Variants in MGAT4C observed in about 807,000 individuals in gnomAD.
The protein encoded by MGAT4C is alpha-1,3-mannosyl-glycoprotein 4-beta-N-acetylglucosaminyltransferase C.
A neutral mutation model predicts 40.1 loss-of-function variants in MGAT4C; 19 were observed. The ratio of observed to expected loss-of-function variants is 0.47; its 90% CI spans 0.33 to 0.70. MGAT4C has a LOEUF of 0.70. Ranked by LOEUF, MGAT4C falls within the 30% of genes least tolerant of loss-of-function variation. The pLI is 0.02. For synonymous variants in MGAT4C, 181 were observed against 187.1 expected, an observed-to-expected ratio of 0.97 and a Z score of 0.27; for missense variants, 491 against 563.2, an observed-to-expected ratio of 0.87 and a Z score of 1.30.
intron 3 of MGAT4C, among the ~76,000 whole-genome samples, chr12:86,345,588 C>T (rs561463163): frequency 6.6e-6 from 1 of 152,218 alleles, no homozygotes; most frequent in South Asian, 2.1e-4. Flanking sequence ...ATCCATGTCC[C>T]TACAAAGGAC....
intron 2 of MGAT4C, among the ~76,000 whole-genome samples, chr12:86,714,486 G>T (rs1950611051): frequency 6.6e-6 from 1 of 152,054 alleles, no homozygotes; most frequent in Non-Finnish European, 1.5e-5. Context: ...AATCATGAGG[G>T]TGGTTTCCTC....
chr12:86,225,753 A>C (rs1951050317), intron 1 of MGAT4C, among the ~76,000 whole-genome samples: 1 of 152,086 alleles, frequency 6.6e-6, no homozygotes, highest in South Asian at 2.1e-4. Flanking sequence ...TCTTTTTATG[A>C]TAAAACTCCT....
chr12:86,486,371 A>G (rs1295754363), intron 2 of MGAT4C, among the ~76,000 whole-genome samples: 1 of 123,318 alleles, frequency 8.1e-6, no homozygotes, highest in Non-Finnish European at 1.7e-5. Context: ...AGAAAGATCT[A>G]TCATGCACAC....
At chr12:86,629,431 C>G (rs1348537085) in intron 2 of MGAT4C, among the ~76,000 whole-genome samples, 3 of 152,116 alleles carry the variant, frequency 2.0e-5, no homozygotes, top group Non-Finnish European at 4.4e-5. Context: ...ACTGTCCACC[C>G]CAAATCAAGA....
At chr12:86,148,944 C>A (rs991222711) in intron 1 of MGAT4C, among the ~76,000 whole-genome samples, 2 of 152,100 alleles carry the variant, frequency 1.3e-5, no homozygotes, top group Non-Finnish European at 2.9e-5. Flanking sequence ...CTGTGCCCCC[C>A]TATTCATTTT....
intron 3 of MGAT4C, among the ~76,000 whole-genome samples, chr12:86,379,186 A>G (rs2136218340): frequency 6.6e-6 from 1 of 152,252 alleles, no homozygotes; most frequent in Middle Eastern, 3.4e-3. Context: ...AAGTTACATG[A>G]ATAAATACAT....
intron 4 of MGAT4C, among the ~76,000 whole-genome samples, chr12:86,275,732 A>G (rs1260041213): frequency 6.6e-6 from 1 of 152,114 alleles, no homozygotes; most frequent in Non-Finnish European, 1.5e-5. Context: ...GAGAAAGACA[A>G]GCATTCTCCC....
chr12:86,518,781 A>G (rs1263959037), intron 2 of MGAT4C, among the ~76,000 whole-genome samples: 11 of 152,210 alleles, frequency 7.2e-5, no homozygotes, highest in Non-Finnish European at 1.5e-4. Flanking sequence ...GGAAGCAAAC[A>G]TCTGTCAAAC....
At chr12:86,176,513 T>A (rs924277088) in intron 1 of MGAT4C, among the ~76,000 whole-genome samples, 1 of 152,114 alleles carries the variant, frequency 6.6e-6, no homozygotes, top group African/African-American at 2.4e-5. Context: ...TCATCTTATA[T>A]ATCCCTATAT....
chr12:86,580,502 A>G (rs1960738950), intron 2 of MGAT4C, among the ~76,000 whole-genome samples: 1 of 151,490 alleles, frequency 6.6e-6, no homozygotes, highest in South Asian at 2.1e-4. Context: ...CCTGAAATCC[A>G]TAATAAATTT....
chr12:86,685,966 C>T (rs1276123076), intron 2 of MGAT4C, among the ~76,000 whole-genome samples: 1 of 151,632 alleles, frequency 6.6e-6, no homozygotes. Context: ...AGGTTCACGC[C>T]ATTCTCCTGC....
At chr12:86,493,646 G>T (rs1431748761) in intron 2 of MGAT4C, among the ~76,000 whole-genome samples, 1 of 150,774 alleles carries the variant, frequency 6.6e-6, no homozygotes, top group Non-Finnish European at 1.5e-5. Context: ...GGGGACTGTC[G>T]TGGGGTGGGG....
intron 1 of MGAT4C, among the ~76,000 whole-genome samples, chr12:86,741,058 G>A (rs1951060803): frequency 6.6e-6 from 1 of 150,872 alleles, no homozygotes; most frequent in Non-Finnish European, 1.5e-5. Flanking sequence ...ATGTTCATGT[G>A]TACTCAATGT....
At chr12:86,247,510 A>G (rs2452815) in intron 1 of MGAT4C, among the ~76,000 whole-genome samples, 103,986 of 152,058 alleles carry the variant, frequency 0.68, 36,272 homozygotes, top group East Asian at 0.95. Context: ...AAGAAAGCCT[A>G]CAATGGAAAC....
chr12:86,579,425 ACTAATAAAAACTCTACAC>A (rs1480149433), intron 2 of MGAT4C, among the ~76,000 whole-genome samples: 1 of 151,618 alleles, frequency 6.6e-6, no homozygotes, highest in African/African-American at 2.4e-5. Context: ...CAAAAACAAA[ACTAATAAAAACTCTACAC>A]CTAAATTTTA....
At chr12:86,326,530 T>C (rs969468941) in intron 4 of MGAT4C, among the ~76,000 whole-genome samples, 3 of 152,142 alleles carry the variant, frequency 2.0e-5, no homozygotes, top group African/African-American at 4.8e-5. Context: ...TTAAATCTAC[T>C]AGGCTTTTTA....
chr12:86,168,864 T>A lies in MGAT4C; in HGVS notation c.-57+87375A>T, dbSNP rs369030755. On this transcript the variant is annotated intron_variant, in intron 1 of 4. Transcript: ENST00000611864. Reference sequence around the variant, plus strand: ...AAAAGAGTCTTTTCTTTTGCTGTAGTCCAGGTCCCGTACCATTACAGCTTC... The same window carrying A: ...AAAAGAGTCTTTTCTTTTGCTGTAGACCAGGTCCCGTACCATTACAGCTTC... Among the ~76,000 whole-genome samples the A allele has an allele frequency of 1.9e-4, 29 of 152,246 alleles. 1 individual carries two copies. The highest frequency in any genetic ancestry group is 7.0e-4 in the African/African-American group (29 of 41,558).
intron 2 of MGAT4C, among the ~76,000 whole-genome samples, chr12:86,632,115 CA>C (rs1963066228): frequency 6.6e-6 from 1 of 151,984 alleles, no homozygotes; most frequent in Non-Finnish European, 1.5e-5. Flanking sequence ...AGATACTTCT[CA>C]AAAGAAGACA....
At chr12:86,701,363 C>CT (rs1950361203) in intron 2 of MGAT4C, among the ~76,000 whole-genome samples, 1 of 151,920 alleles carries the variant, frequency 6.6e-6, no homozygotes, top group South Asian at 2.1e-4. Flanking sequence ...ATATTTCCAA[C>CT]TTTTTTGTTA....
Sources: allele counts gnomAD v4.1 joint callset (sites outside exome capture counted in the v4.1 genomes callset), GRCh38; gene constraint gnomAD v4.1.1; transcripts MANE v1.5; gene names NCBI Gene and HGNC (gene_info 2026-07-23, HGNC 2026-07-21).